Variants in EYS observed in about 807,000 individuals in gnomAD.
The protein encoded by EYS is EGF-like photoreceptor maintenance factor.
In EYS, 250 loss-of-function variants were observed where a neutral mutation model predicts 282.1. The ratio of observed to expected loss-of-function variants is 0.89; its 90% confidence interval spans 0.80 to 0.98. The LOEUF (loss-of-function observed/expected upper bound fraction) is 0.98. Ranked by LOEUF, EYS falls within the 50% of genes least tolerant of loss-of-function variation. EYS has a pLI of 0.00. For synonymous variants in EYS, 1,355 were observed against 1,282.9 expected (o/e 1.06, Z -1.20); for missense variants, 4,016 against 3,709.0 (o/e 1.08, Z -2.15).
intron 13 of EYS, among the ~76,000 whole-genome samples, chr6:65,028,798 G>A (rs531579599): frequency 1.3e-5 from 2 of 152,092 alleles, no homozygotes; most frequent in African/African-American, 2.4e-5. Flanking sequence ...CTATAAACAT[G>A]TATTTTTGTT....
At chr6:63,763,870 T>TTTTATATATATATA (rs1185179091) in intron 40 of EYS, among the ~76,000 whole-genome samples, 4 of 129,664 alleles carry the variant, frequency 3.1e-5, no homozygotes, top group South Asian at 2.5e-4. Flanking sequence ...TTATATCTTG[T>TTTTATATATATATA]TATATATATA....
intron 15 of EYS, among the ~76,000 whole-genome samples, chr6:64,944,462 C>G (rs1182513582): frequency 1.3e-5 from 2 of 151,986 alleles, no homozygotes; most frequent in African/African-American, 4.8e-5. Context: ...GTGGAGTATT[C>G]TCCCAATGTG....
chr6:64,398,013 A>AT (rs5876896), intron 28 of EYS, among the ~76,000 whole-genome samples: 42,084 of 151,688 alleles, frequency 0.28, 5,958 homozygotes, highest in East Asian at 0.46. Flanking sequence ...ATACACAGGT[A>AT]TTTTTCTGGT....
intron 19 of EYS, among the ~76,000 whole-genome samples, chr6:64,856,263 G>A (rs905946251): frequency 1.3e-4 from 20 of 151,944 alleles, no homozygotes; most frequent in Middle Eastern, 3.4e-3. Context: ...TCACATTTTC[G>A]CCAGCATTTG....
At chr6:63,839,779 T>A (rs961132969) in intron 36 of EYS, among the ~76,000 whole-genome samples, 2 of 152,190 alleles carry the variant, frequency 1.3e-5, no homozygotes, top group Admixed American at 1.3e-4. Context: ...TATTTTTAGT[T>A]TTTTGAGGAC....
chr6:65,021,561 G>C (rs1186698546), intron 13 of EYS, among the ~76,000 whole-genome samples: 2 of 152,114 alleles, frequency 1.3e-5, no homozygotes, highest in Non-Finnish European at 2.9e-5. Context: ...AGTTCCAAAT[G>C]TTCCCACATT....
intron 22 of EYS, among the ~76,000 whole-genome samples, chr6:64,771,453 T>C (rs184121952): frequency 9.9e-4 from 150 of 151,910 alleles, no homozygotes; most frequent in Non-Finnish European, 1.6e-3. Flanking sequence ...GGAATTAATT[T>C]GTTTTTCTTA....
intron 33 of EYS, among the ~76,000 whole-genome samples, chr6:64,035,786 AAATTTTT>A (rs1260047074): frequency 2.0e-5 from 3 of 152,176 alleles, no homozygotes; most frequent in Admixed American, 6.5e-5. Flanking sequence ...AGTGCTTTAA[AAATTTTT>A]AATTTTTATC....
chr6:64,871,686 TTAC>T (rs1361745553), intron 19 of EYS, among the ~76,000 whole-genome samples: 1 of 151,988 alleles, frequency 6.6e-6, no homozygotes, highest in Non-Finnish European at 1.5e-5. Context: ...AAAAACACAA[TTAC>T]TAAAATGCTA....
At chr6:64,892,503 C>T (rs1022981774) in intron 18 of EYS, among the ~76,000 whole-genome samples, 3 of 151,912 alleles carry the variant, frequency 2.0e-5, no homozygotes, top group African/African-American at 7.2e-5. Context: ...TAAAGTAATT[C>T]AAATTTTGAA....
chr6:64,930,932 G>C (rs770204400), intron 15 of EYS, among the ~76,000 whole-genome samples: 3 of 152,090 alleles, frequency 2.0e-5, no homozygotes, highest in Non-Finnish European at 4.4e-5. Flanking sequence ...ACTCTGCTTT[G>C]GGGGAAGAAA....
intron 16 of EYS, among the ~76,000 whole-genome samples, chr6:64,909,686 A>G (rs1428375811): frequency 1.3e-5 from 2 of 152,094 alleles, no homozygotes; most frequent in African/African-American, 2.4e-5. Context: ...CAGGATCACA[A>G]TAGTTCTGGT....
chr6:63,910,336 T>G (rs1773884232), intron 35 of EYS, among the ~76,000 whole-genome samples: 1 of 152,150 alleles, frequency 6.6e-6, no homozygotes, highest in Non-Finnish European at 1.5e-5. Flanking sequence ...ATAAAGAACT[T>G]TCAGACTGAA....
intron 12 of EYS, among the ~76,000 whole-genome samples, chr6:65,209,651 A>AT (rs1330796517): frequency 1.3e-5 from 2 of 151,918 alleles, no homozygotes; most frequent in African/African-American, 2.4e-5. Flanking sequence ...TGGGGATGAC[A>AT]TAGAACCCAA....
At chr6:65,136,671 AT>A (rs199762378) in intron 12 of EYS, among the ~76,000 whole-genome samples, 67 of 150,034 alleles carry the variant, frequency 4.5e-4, no homozygotes, top group East Asian at 3.5e-3. Context: ...AGACAAAAAA[AT>A]ATCACAAAAT....
chr6:64,161,714 A>G (rs1775113708), intron 31 of EYS, among the ~76,000 whole-genome samples: 1 of 152,164 alleles, frequency 6.6e-6, no homozygotes. Flanking sequence ...TTAGAAAATG[A>G]TTTTAAAGTG....
At chr6:64,546,828 A>G (rs1217331923) in intron 26 of EYS, among the ~76,000 whole-genome samples, 2 of 152,180 alleles carry the variant, frequency 1.3e-5, no homozygotes, top group African/African-American at 4.8e-5. Context: ...ATGAGATACC[A>G]TCTCACACCA....
chr6:64,336,359 G>T (rs1226095754), intron 29 of EYS, among the ~76,000 whole-genome samples: 1 of 151,968 alleles, frequency 6.6e-6, no homozygotes, highest in Non-Finnish European at 1.5e-5. Context: ...AAACTTCAAA[G>T]AAACAGCAGT....
rs767752603 is a variant in EYS at position 64,902,505 on chromosome 6, A to C, written c.2642-5T>G. On this transcript the variant is annotated splice_polypyrimidine_tract_variant and splice_region_variant and intron_variant, in intron 16 of 42. Coordinates refer to ENST00000503581, the MANE Select transcript of EYS (RefSeq NM_001142800.2). ...CACAGTTTTTACCTTCAAATTCTGCAAAGAGTATGAGATGAGTATGGATGA... is the reference window on the plus strand; with the variant it reads ...CACAGTTTTTACCTTCAAATTCTGCCAAGAGTATGAGATGAGTATGGATGA... 1.1e-4 allele frequency: 164 copies of C among 1,513,590 alleles called. No individual in the cohort carries two copies. Among genetic ancestry groups the C allele is most frequent in the Non-Finnish European group, 1.4e-4 (154 of 1,126,298 alleles). The allele number at this position is 1,513,590 out of a possible 1,614,324, so 93.8% of individuals were successfully genotyped here.
Sources: allele counts gnomAD v4.1 joint callset (sites outside exome capture counted in the v4.1 genomes callset), GRCh38; gene constraint gnomAD v4.1.1; transcripts MANE v1.5; gene names NCBI Gene and HGNC (gene_info 2026-07-23, HGNC 2026-07-21).